CCSER1: variants seen among roughly 807,000 people sequenced by gnomAD.
The protein encoded by CCSER1 is coiled-coil serine rich protein 1.
In CCSER1, 41 loss-of-function variants were observed where a neutral mutation model predicts 82.0. That is an observed-to-expected ratio of 0.50 (90% CI 0.39 to 0.65). The LOEUF (loss-of-function observed/expected upper bound fraction) is 0.65. Among genes scored for constraint, CCSER1 ranks in the 30% least tolerant of loss-of-function variants. The pLI is 0.00. For synonymous variants in CCSER1, 414 were observed against 383.9 expected, an observed-to-expected ratio of 1.08 and a Z score of -0.92; for missense variants, 1,119 against 1,064.2, an observed-to-expected ratio of 1.05 and a Z score of -0.72.
intron 5 of CCSER1, among the ~76,000 whole-genome samples, chr4:90,507,527 T>G (rs1045408988): frequency 6.6e-6 from 1 of 152,030 alleles, no homozygotes; most frequent in African/African-American, 2.4e-5. Context: ...GATAGAAATA[T>G]ATATATATGT....
At chr4:91,205,436 G>A (rs1736265748) in intron 10 of CCSER1, among the ~76,000 whole-genome samples, 1 of 151,560 alleles carries the variant, frequency 6.6e-6, no homozygotes, top group Non-Finnish European at 1.5e-5. Flanking sequence ...TTAACCTGGG[G>A]TCAGTAAAAT....
chr4:90,305,310 A>G (rs1734062606), intron 1 of CCSER1, among the ~76,000 whole-genome samples: 1 of 152,200 alleles, frequency 6.6e-6, no homozygotes. Flanking sequence ...TTCAGTAATG[A>G]TGGTTGACAT....
intron 3 of CCSER1, among the ~76,000 whole-genome samples, chr4:90,333,429 A>G (rs563158261): frequency 6.6e-6 from 1 of 152,260 alleles, no homozygotes; most frequent in Admixed American, 6.5e-5. Context: ...AACAAACAAA[A>G]CGAAACAAAA....
intron 8 of CCSER1, among the ~76,000 whole-genome samples, chr4:90,900,094 G>GTTTTTTTTT (rs70963096): frequency 0.14 from 14,127 of 98,686 alleles, 973 homozygotes; most frequent in Non-Finnish European, 0.2. Context: ...TGGTCCCAGA[G>GTTTTTTTTT]TTTTTTTTTT....
intron 9 of CCSER1, among the ~76,000 whole-genome samples, chr4:91,007,615 T>A (rs1306889642): frequency 6.6e-6 from 1 of 151,970 alleles, no homozygotes; most frequent in South Asian, 2.1e-4. Flanking sequence ...CTGGTTCTAT[T>A]TATTTGTCTT....
chr4:90,399,355 AT>A (rs1169000612), intron 3 of CCSER1, among the ~76,000 whole-genome samples: 1 of 152,118 alleles, frequency 6.6e-6, no homozygotes, highest in Non-Finnish European at 1.5e-5. Context: ...ATGCAAGTCA[AT>A]AATTAATTTT....
intron 10 of CCSER1, among the ~76,000 whole-genome samples, chr4:91,330,121 C>G (rs1746846639): frequency 6.6e-6 from 1 of 152,120 alleles, no homozygotes; most frequent in Non-Finnish European, 1.5e-5. Context: ...TTACTTCCCT[C>G]TAAGTACTGC....
intron 3 of CCSER1, among the ~76,000 whole-genome samples, chr4:90,357,362 T>G (rs2153515997): frequency 6.6e-6 from 1 of 152,054 alleles, no homozygotes; most frequent in South Asian, 2.1e-4. Context: ...TGCGTGATTT[T>G]TTTATACTTG....
At chr4:90,935,023 T>G (rs1223467940) in intron 9 of CCSER1, among the ~76,000 whole-genome samples, 1 of 151,920 alleles carries the variant, frequency 6.6e-6, no homozygotes, top group Non-Finnish European at 1.5e-5. Context: ...GAAATGCATA[T>G]ATATATGTAT....
chr4:90,957,097 C>T (rs1158448715), intron 9 of CCSER1, among the ~76,000 whole-genome samples: 1 of 128,270 alleles, frequency 7.8e-6, no homozygotes, highest in African/African-American at 2.9e-5. Context: ...TTCTTTCTTT[C>T]CTTTTTTTTT....
intron 5 of CCSER1, among the ~76,000 whole-genome samples, chr4:90,581,071 A>G (rs1163541444): frequency 6.6e-6 from 1 of 152,168 alleles, no homozygotes; most frequent in Admixed American, 6.5e-5. Flanking sequence ...AAATTGAATA[A>G]TATTTTTCAT....
chr4:91,441,790 A>G (rs1003819799), intron 10 of CCSER1, among the ~76,000 whole-genome samples: 4 of 152,174 alleles, frequency 2.6e-5, no homozygotes, highest in Non-Finnish European at 5.9e-5. Context: ...ATACAAAATC[A>G]ATGTGCAAAA....
intron 4 of CCSER1, among the ~76,000 whole-genome samples, chr4:90,445,576 G>C (rs1017550054): frequency 6.6e-6 from 1 of 152,058 alleles, no homozygotes; most frequent in Non-Finnish European, 1.5e-5. Context: ...TGAGAAAAGG[G>C]AGTGTTGTAA....
chr4:91,289,821 A>C (rs561401118), intron 10 of CCSER1, among the ~76,000 whole-genome samples: 2 of 152,200 alleles, frequency 1.3e-5, no homozygotes, highest in South Asian at 4.1e-4. Context: ...AATGGCCACA[A>C]ATTTTCTAAA....
At chr4:91,440,042 A>G (rs964602960) in intron 10 of CCSER1, among the ~76,000 whole-genome samples, 4 of 152,004 alleles carry the variant, frequency 2.6e-5, no homozygotes, top group Non-Finnish European at 4.4e-5. Context: ...CACTGTCAAC[A>G]TTAGACAGAT....
At chr4:90,985,783 T>C (rs1736530904) in intron 9 of CCSER1, among the ~76,000 whole-genome samples, 1 of 151,708 alleles carries the variant, frequency 6.6e-6, no homozygotes, top group African/African-American at 2.4e-5. Context: ...ACTTGTATTT[T>C]AGGAATGTGT....
intron 10 of CCSER1, among the ~76,000 whole-genome samples, chr4:91,165,099 C>T (rs1015106800): frequency 3.9e-5 from 6 of 152,134 alleles, no homozygotes; most frequent in Admixed American, 6.5e-5. Flanking sequence ...ATGCTGGTGT[C>T]CTACAGATGT....
chr4:91,346,452 C>T (rs572919858), intron 10 of CCSER1, among the ~76,000 whole-genome samples: 1 of 152,138 alleles, frequency 6.6e-6, no homozygotes, highest in South Asian at 2.1e-4. Context: ...TACTCATGTG[C>T]AGGTTTTGAT....
chr4:91,008,981 C>A (rs1295536353), intron 9 of CCSER1, among the ~76,000 whole-genome samples: 1 of 152,168 alleles, frequency 6.6e-6, no homozygotes, highest in Non-Finnish European at 1.5e-5. Context: ...TTAGGACGAA[C>A]CCGGGCACTT....
Sources: allele counts gnomAD v4.1 joint callset (sites outside exome capture counted in the v4.1 genomes callset), GRCh38; gene constraint gnomAD v4.1.1; transcripts MANE v1.5; gene names NCBI Gene and HGNC (gene_info 2026-07-23, HGNC 2026-07-21).